PLXNA2: variants seen among roughly 807,000 people sequenced by gnomAD.
PLXNA2 encodes plexin-A2.
In PLXNA2, 91 loss-of-function variants were observed where a neutral mutation model predicts 193.5. That is an observed-to-expected ratio of 0.47 (90% CI 0.40 to 0.56). The LOEUF (loss-of-function observed/expected upper bound fraction) is 0.56. Ranked by LOEUF, PLXNA2 falls within the 20% of genes least tolerant of loss-of-function variation. PLXNA2 has a pLI of 0.00. For missense variants in PLXNA2, 1,995 were observed against 2,503.2 expected, an observed-to-expected ratio of 0.80 and a Z score of 4.33; for synonymous variants, 997 against 1,027.3, an observed-to-expected ratio of 0.97 and a Z score of 0.56.
intron 8 of PLXNA2, among the ~76,000 whole-genome samples, chr1:208,093,342 G>A (rs1026102132): frequency 5.9e-5 from 9 of 152,122 alleles, no homozygotes; most frequent in Admixed American, 1.3e-4. Flanking sequence ...CAGGGTAGCC[G>A]GCAGAGTACA....
At chr1:208,037,598 A>AT (rs1558157669) in intron 26 of PLXNA2, among the ~76,000 whole-genome samples, 2 of 151,814 alleles carry the variant, frequency 1.3e-5, no homozygotes, top group African/African-American at 2.4e-5. Flanking sequence ...CTATTTTAGT[A>AT]TTTTTTCTGA....
At chr1:208,223,808 C>T (rs1053596886) in intron 1 of PLXNA2, among the ~76,000 whole-genome samples, 8 of 152,178 alleles carry the variant, frequency 5.3e-5, no homozygotes, top group African/African-American at 1.9e-4. Context: ...GACATTCTGC[C>T]TAGAGAGGAT....
rs1665694160 is a variant in PLXNA2, at chr1:208,063,826, G to A, written c.2587-2989C>T. On this transcript the variant is annotated intron_variant, in intron 12 of 31. Transcript: ENST00000367033. The stretch of plus-strand genomic sequence containing the variant: ...AGATGAAGTGGTGATTATTTGATTT[G>A]CAAGTGGATTCCCAACGCCTCCATT... Among the ~76,000 whole-genome samples the A allele has an allele frequency of 2.0e-5, 3 of 152,132 alleles. No individual in the cohort carries two copies. In the South Asian group the frequency reaches 6.2e-4, roughly 32 times the overall value.
At chr1:208,122,715 A>G (rs1056098889) in intron 4 of PLXNA2, among the ~76,000 whole-genome samples, 3 of 152,166 alleles carry the variant, frequency 2.0e-5, no homozygotes, top group African/African-American at 7.2e-5. Context: ...ATAGGAGAAC[A>G]AGGCAGGGGG....
At chr1:208,105,216 A>G (rs754395409) in intron 4 of PLXNA2, among the ~76,000 whole-genome samples, 3 of 152,216 alleles carry the variant, frequency 2.0e-5, no homozygotes, top group Admixed American at 6.5e-5. Flanking sequence ...ATTTAGTCCA[A>G]TGAAGAGTCT....
chr1:208,045,791 A>G, intron 18 of PLXNA2, 87 bp downstream of exon 18: 1 of 1,507,768 alleles, frequency 6.6e-7, no homozygotes, highest in South Asian at 1.2e-5. Flanking sequence ...AAGGAGAGCC[A>G]GAAAGAAAGA....
chr1:208,104,146 T>A (rs1490745944), intron 4 of PLXNA2, among the ~76,000 whole-genome samples: 1 of 152,162 alleles, frequency 6.6e-6, no homozygotes, highest in African/African-American at 2.4e-5. Flanking sequence ...GGGTTCTTAT[T>A]TGTTAGGGCA....
chr1:208,222,157 A>G (rs1867600), intron 1 of PLXNA2, among the ~76,000 whole-genome samples: 1,677 of 152,228 alleles, frequency 0.011, 28 homozygotes, highest in African/African-American at 0.039. Context: ...ACACTGGTAA[A>G]CAAACATGCA....
At chr1:208,107,150 C>G (rs562144414) in intron 4 of PLXNA2, among the ~76,000 whole-genome samples, 2 of 152,302 alleles carry the variant, frequency 1.3e-5, no homozygotes, top group African/African-American at 4.8e-5. Flanking sequence ...GTTCTCAAAC[C>G]AGCACCATTG....
At chr1:208,088,688 A>G (rs1666615841) in intron 9 of PLXNA2, among the ~76,000 whole-genome samples, 1 of 152,360 alleles carries the variant, frequency 6.6e-6, no homozygotes, top group South Asian at 2.1e-4. Flanking sequence ...GAGCTTGACA[A>G]ATGGTTTAAT....
At position 208,236,450 on chromosome 1, in the gene PLXNA2, G is replaced by A. The variant is rs1321217985; in HGVS notation, c.-81+7193C>T. Among the ~76,000 whole-genome samples, 1 of 152,158 alleles carries A rather than the reference G, an allele frequency of 6.6e-6. No homozygotes were observed. The highest frequency in any genetic ancestry group is 1.5e-5 in the Non-Finnish European group (1 of 68,014). On this transcript the variant is annotated intron_variant, in intron 1 of 31. Transcript: ENST00000367033. This position sits in a 1 kb window ranked among gnomAD's most constrained non-coding sequence, Gnocchi z 4.4. ...TGGTCCTGCTGCCTCTATAAGGCAA[G>A]GCAGGGCTTTTCTACACACCCCTTC...
rs192852228 is a variant in PLXNA2 at position 208,063,455 on chromosome 1, T to C, written c.2587-2618A>G. On this transcript the variant is annotated intron_variant, in intron 12 of 31. Coordinates refer to ENST00000367033, the MANE Select transcript of PLXNA2 (RefSeq NM_025179.4). ...GCTTATATTGTTTAGAGAAGAAGACTTTTTTTGGGTAAATTATTGGCAAGC... is the reference window on the plus strand; with the variant it reads ...GCTTATATTGTTTAGAGAAGAAGACCTTTTTTGGGTAAATTATTGGCAAGC... Among the ~76,000 whole-genome samples, 228 of 152,310 alleles carry C rather than the reference T, an allele frequency of 1.5e-3. 1 individual carries two copies. The highest frequency in any genetic ancestry group is 3.2e-4 in the Non-Finnish European group (22 of 68,026).
intron 3 of PLXNA2, among the ~76,000 whole-genome samples, chr1:208,194,182 G>A (rs961816556): frequency 2.1e-4 from 32 of 151,940 alleles, no homozygotes; most frequent in African/African-American, 7.2e-4. Context: ...CTCAGGTTGG[G>A]AGCCCCTGTC....
intron 3 of PLXNA2, among the ~76,000 whole-genome samples, chr1:208,195,158 C>T (rs970292624): frequency 1.4e-4 from 22 of 152,112 alleles, no homozygotes; most frequent in African/African-American, 3.9e-4. Flanking sequence ...TAGAAGCATC[C>T]GTGGGAGATG....
chr1:208,156,838 G>C (rs891269723), intron 3 of PLXNA2, among the ~76,000 whole-genome samples: 12 of 152,208 alleles, frequency 7.9e-5, no homozygotes, highest in Non-Finnish European at 1.3e-4. Flanking sequence ...AATCAAGTGA[G>C]AGCTCCAGAA....
chr1:208,146,825 G>A lies in PLXNA2; in HGVS notation c.1372-4362C>T, dbSNP rs193073489. ...TGGAGATGGGGCAAAGGAGGGAGGT[G>A]ACAGGGACAGGTGGAATGAGTCACT... On this transcript the variant is annotated intron_variant, in intron 3 of 31. Coordinates refer to ENST00000367033, the MANE Select transcript of PLXNA2 (RefSeq NM_025179.4). Among the ~76,000 whole-genome samples, 8 of 152,294 alleles carry A rather than the reference G, an allele frequency of 5.3e-5. No homozygotes were observed. The East Asian group carries it at 1.5e-3, about 29-fold the overall frequency.
intron 3 of PLXNA2, among the ~76,000 whole-genome samples, chr1:208,181,493 C>A (rs1669841293): frequency 6.6e-6 from 1 of 152,222 alleles, no homozygotes; most frequent in South Asian, 2.1e-4. Context: ...GCTTCCTTTG[C>A]CAAAACACAC....
At chr1:208,241,851 T>C (rs994638212) in intron 1 of PLXNA2, among the ~76,000 whole-genome samples, 2 of 152,076 alleles carry the variant, frequency 1.3e-5, no homozygotes, top group African/African-American at 4.8e-5. Context: ...GAGGAGGGGT[T>C]GGTGGTGATG....
At chr1:208,243,578 C>G (rs960357951) in intron 1 of PLXNA2, 65 bp downstream of exon 1, 1 of 152,110 alleles carries the variant, frequency 6.6e-6, no homozygotes, top group African/African-American at 2.4e-5. Flanking sequence ...CACGGGTGTG[C>G]GCGCCTGTGG....
Sources: allele counts gnomAD v4.1 joint callset (sites outside exome capture counted in the v4.1 genomes callset), GRCh38; gene constraint gnomAD v4.1.1; non-coding constraint Gnocchi (gnomAD v3.1); transcripts MANE v1.5; gene names NCBI Gene and HGNC (gene_info 2026-07-23, HGNC 2026-07-21).